The following ZSWIM5 variants were observed in gnomAD, a reference collection of about 807,000 sequenced individuals.
ZSWIM5 encodes the protein zinc finger SWIM-type containing 5.
Under a neutral mutation model 119.6 loss-of-function variants are expected in ZSWIM5, and 55 were observed. That is an observed-to-expected ratio of 0.46 (90% confidence interval 0.37 to 0.58). The LOEUF is 0.58. ZSWIM5 is among the 20% of genes least tolerant of loss of function. The pLI is 0.00. For synonymous variants in ZSWIM5, 537 were observed against 606.9 expected, an observed-to-expected ratio of 0.88 and a Z score of 1.69; for missense variants, 1,193 against 1,512.8, an observed-to-expected ratio of 0.79 and a Z score of 3.51.
Position 45,020,156 on chromosome 1 carries a change from A to C in ZSWIM5, c.2614-9T>G, listed in dbSNP as rs1166265647. On this transcript the variant is annotated splice_polypyrimidine_tract_variant and intron_variant, in intron 12 of 13. Transcript: ENST00000359600. ...AAGGTCATCCGCATCACCTGGGCAC[A>C]AAAGAGGCCTTTCCAGTGGGCTATG... is the stretch of plus-strand genomic sequence containing the variant. 1.2e-6 allele frequency: 2 copies of C among 1,613,888 alleles called. No individual in the cohort carries two copies. Among genetic ancestry groups the C allele is most frequent in the South Asian group, 1.1e-5 (1 of 91,074 alleles).
chr1:45,064,717 TTC>T (rs1645173016), intron 2 of ZSWIM5, among the ~76,000 whole-genome samples: 1 of 152,184 alleles, frequency 6.6e-6, no homozygotes, highest in African/African-American at 2.4e-5. Flanking sequence ...ATCGAATAAA[TTC>T]CAAGGAACCT....
chr1:45,138,295 G>A (rs777670213), intron 1 of ZSWIM5, among the ~76,000 whole-genome samples: 25 of 152,018 alleles, frequency 1.6e-4, no homozygotes, highest in Non-Finnish European at 2.9e-4. Flanking sequence ...CTTGAGGTCA[G>A]GAGTTCGAGA....
intron 1 of ZSWIM5, among the ~76,000 whole-genome samples, chr1:45,158,094 T>C (rs1645841474): frequency 6.6e-6 from 1 of 152,206 alleles, no homozygotes; most frequent in African/African-American, 2.4e-5. Context: ...GTGAATATCA[T>C]CTCCCAAGGG....
chr1:45,029,325 CTAGT>C (rs1457602793), intron 11 of ZSWIM5, among the ~76,000 whole-genome samples: 2 of 152,150 alleles, frequency 1.3e-5, no homozygotes, highest in Admixed American at 1.3e-4. Context: ...CTTTTGCAGG[CTAGT>C]TATTTTGTAG....
rs1001959280 is a variant in ZSWIM5, at chr1:45,164,843, C to T, written c.595+40913G>A. ...AAATCCTTAGAGACCTACGAAGAGACTTAGACTCCCACACAATAATAAGGG... is the reference window on the plus strand; with the variant it reads ...AAATCCTTAGAGACCTACGAAGAGATTTAGACTCCCACACAATAATAAGGG... On this transcript the variant is annotated intron_variant, in intron 1 of 13. Transcript: ENST00000359600. Among the ~76,000 whole-genome samples, 7 of 152,206 alleles carry T rather than the reference C, an allele frequency of 4.6e-5. No homozygotes were observed. In the East Asian group the frequency reaches 1.3e-3, roughly 29 times the overall value.
chr1:45,150,383 C>A (rs753163749), intron 1 of ZSWIM5, among the ~76,000 whole-genome samples: 1 of 152,032 alleles, frequency 6.6e-6, no homozygotes, highest in African/African-American at 2.4e-5. Context: ...ACCCTTGTAA[C>A]ATTGCTAGTA....
At chr1:45,030,204 A>G (rs770786254) in intron 11 of ZSWIM5, among the ~76,000 whole-genome samples, 26 of 152,166 alleles carry the variant, frequency 1.7e-4, no homozygotes, top group Admixed American at 3.9e-4. Context: ...TCAGCCTCCC[A>G]AAGTGTTAGG....
chr1:45,041,382 A>G (rs1053923825), intron 6 of ZSWIM5, among the ~76,000 whole-genome samples: 4 of 152,180 alleles, frequency 2.6e-5, no homozygotes, highest in African/African-American at 9.7e-5. Flanking sequence ...TAACTATAAC[A>G]AGCTTTATGG....
intron 1 of ZSWIM5, among the ~76,000 whole-genome samples, chr1:45,149,904 C>T (rs1264032322): frequency 6.6e-6 from 1 of 151,956 alleles, no homozygotes; most frequent in Admixed American, 6.6e-5. Context: ...GGCATGGTGG[C>T]TCACACCTAT....
chr1:45,073,914 C>T lies in ZSWIM5; in HGVS notation c.953-13667G>A, dbSNP rs549688896. 8.7e-4 allele frequency among the ~76,000 whole-genome samples: 132 copies of T among 151,980 alleles called. 1 individual carries two copies. Among genetic ancestry groups the T allele is most frequent in the Admixed American group, 5.2e-4 (8 of 15,292 alleles). ...TATGTTGAGGTATGTTCCTTCTGTACCCATTTTTAAAGCATTTTTATCATG... is the reference window on the plus strand; with the variant it reads ...TATGTTGAGGTATGTTCCTTCTGTATCCATTTTTAAAGCATTTTTATCATG... On this transcript the variant is annotated intron_variant, in intron 2 of 13. Transcript: ENST00000359600.
At chr1:45,120,130 G>C (rs1645582283) in intron 1 of ZSWIM5, among the ~76,000 whole-genome samples, 1 of 152,172 alleles carries the variant, frequency 6.6e-6, no homozygotes, top group African/African-American at 2.4e-5. Context: ...GATCACTTGA[G>C]GTCAGGCATT....
chr1:45,070,359 C>T, intron 2 of ZSWIM5: 2 of 1,423,112 alleles, frequency 1.4e-6, no homozygotes, highest in South Asian at 1.1e-5. Context: ...CATGGGCAGC[C>T]AGGGTGGCTT....
intron 1 of ZSWIM5, among the ~76,000 whole-genome samples, chr1:45,146,516 T>C (rs993200476): frequency 6.5e-5 from 9 of 137,966 alleles, no homozygotes; most frequent in Non-Finnish European, 7.6e-5. Context: ...CTTGGCTCAC[T>C]GCAACCTCCG....
At chr1:45,083,911 A>T (rs1459894121) in intron 2 of ZSWIM5, among the ~76,000 whole-genome samples, 5 of 152,010 alleles carry the variant, frequency 3.3e-5, no homozygotes, top group Non-Finnish European at 7.4e-5. Flanking sequence ...ACTTTTATTT[A>T]TATTTATTTA....
At chr1:45,020,999 C>T (rs552185898) in intron 11 of ZSWIM5, among the ~76,000 whole-genome samples, 1 of 151,976 alleles carries the variant, frequency 6.6e-6, no homozygotes, top group African/African-American at 2.4e-5. Flanking sequence ...TTCTCTCCAC[C>T]TTTTCATCTG....
chr1:45,100,743 C>T (rs979380969), intron 1 of ZSWIM5, among the ~76,000 whole-genome samples: 18 of 152,190 alleles, frequency 1.2e-4, no homozygotes, highest in Non-Finnish European at 2.6e-4. Context: ...AGAAATAACA[C>T]CACACATCTA....
At chr1:45,202,703 T>C (rs951412539) in intron 1 of ZSWIM5, among the ~76,000 whole-genome samples, 4 of 152,116 alleles carry the variant, frequency 2.6e-5, no homozygotes, top group Non-Finnish European at 5.9e-5. Context: ...AAATATAACA[T>C]TTCTGTGTTT....
chr1:45,018,691 T>G lies in ZSWIM5; in HGVS notation c.3321A>C (p.Pro1107=). The change falls in exon 14 of 14, where the codon CCA becomes CCC. Residue 1107 remains proline, a synonymous_variant. Transcript: ENST00000359600. The surrounding 1 kb of genome is among the most constrained non-coding windows in gnomAD (Gnocchi z 6.7). The stretch of plus-strand genomic sequence containing the variant: ...TGGTGGCATCCAGCAACTGGCGCAA[T>G]GGAGCTTTGTCAGTGGACATGAGCT... ...SGKLMSTDKA[P]LRQLLDATIN... 6.2e-7 allele frequency: 1 copy of G among 1,614,236 alleles called. No individual in the cohort carries two copies. Among genetic ancestry groups the G allele is most frequent in the Non-Finnish European group, 8.5e-7 (1 of 1,180,042 alleles).
intron 1 of ZSWIM5, among the ~76,000 whole-genome samples, chr1:45,176,147 A>ATATAT (rs1557789153): frequency 1.3e-5 from 2 of 148,222 alleles, no homozygotes; most frequent in Non-Finnish European, 3.0e-5. Flanking sequence ...TATATATATA[A>ATATAT]TATATATTAT....
Sources: allele counts gnomAD v4.1 joint callset (sites outside exome capture counted in the v4.1 genomes callset), GRCh38; gene constraint gnomAD v4.1.1; non-coding constraint Gnocchi (gnomAD v3.1); transcripts MANE v1.5; gene names NCBI Gene and HGNC (gene_info 2026-07-23, HGNC 2026-07-21).